The following CHRDL1 variants were observed in gnomAD, a reference collection of about 807,000 sequenced individuals.
CHRDL1 encodes the protein chordin-like protein 1.
A neutral mutation model predicts 40.9 loss-of-function variants in CHRDL1; 19 were observed. That is an observed-to-expected ratio of 0.46 (90% CI 0.32 to 0.68). The LOEUF is 0.68. Among genes scored for constraint, CHRDL1 ranks in the 30% least tolerant of loss-of-function variants. CHRDL1 has a pLI of 0.03. For synonymous variants in CHRDL1, 136 were observed against 123.4 expected, an observed-to-expected ratio of 1.10 and a Z score of -0.68; for missense variants, 329 against 352.1, an observed-to-expected ratio of 0.93 and a Z score of 0.53.
intron 10 of CHRDL1, 110 bp from the exon 11 acceptor site, chrX:110,679,535 G>A: frequency 1.9e-6 from 1 of 534,465 alleles, no homozygotes; most frequent in Non-Finnish European, 3.3e-6. Context: ...GGGCTTAAGA[G>A]TATCGAGTTG....
chrX:110,690,005 A>C (rs59360412), intron 8 of CHRDL1, among the ~76,000 whole-genome samples: 1 of 28,541 alleles, frequency 3.5e-5, no homozygotes, highest in Non-Finnish European at 5.8e-5. Flanking sequence ...CTATATATCT[A>C]TATATATCTA....
intron 4 of CHRDL1, among the ~76,000 whole-genome samples, chrX:110,756,235 C>T (rs777805228): frequency 9.0e-6 from 1 of 111,246 alleles, no homozygotes; most frequent in African/African-American, 3.3e-5. Context: ...TTCAGAAACA[C>T]AAAAAAACTC....
chrX:110,690,115 G>A (rs1403853002), intron 8 of CHRDL1, among the ~76,000 whole-genome samples: 1 of 96,519 alleles, frequency 1.0e-5, no homozygotes, highest in Non-Finnish European at 2.0e-5. Context: ...GCGCTATCTC[G>A]GCTCACTGCA....
intron 6 of CHRDL1, among the ~76,000 whole-genome samples, chrX:110,710,501 G>A (rs945474415): frequency 2.7e-5 from 3 of 112,312 alleles, no homozygotes; most frequent in African/African-American, 9.7e-5. Context: ...CAACCCAGAT[G>A]GCCGATTAGG....
intron 1 of CHRDL1, among the ~76,000 whole-genome samples, chrX:110,793,214 G>T (rs1221944076): frequency 8.9e-6 from 1 of 112,150 alleles, no homozygotes; most frequent in Non-Finnish European, 1.9e-5. Flanking sequence ...TGCACATAAA[G>T]AACTTGAAGG....
At chrX:110,736,615 G>A (rs1426376891) in intron 4 of CHRDL1, among the ~76,000 whole-genome samples, 6 of 111,625 alleles carry the variant, frequency 5.4e-5, no homozygotes, top group Non-Finnish European at 1.1e-4. Flanking sequence ...GAGGAACAAG[G>A]AGACCATGGT....
intron 4 of CHRDL1, among the ~76,000 whole-genome samples, chrX:110,723,022 G>A (rs756641963): frequency 1.4e-4 from 15 of 111,071 alleles, no homozygotes; most frequent in African/African-American, 4.9e-4. Context: ...AGGCCGAGGC[G>A]GGCGGATCAC....
chrX:110,792,571 C>T (rs111773099), intron 1 of CHRDL1, among the ~76,000 whole-genome samples: 8 of 112,039 alleles, frequency 7.1e-5, no homozygotes, highest in African/African-American at 2.3e-4. Context: ...CTTGCAAAAA[C>T]GGTTATTTTA....
chrX:110,762,645 C>A, intron 3 of CHRDL1, 50 bp downstream of exon 3: 1 of 728,584 alleles, frequency 1.4e-6, no homozygotes. Flanking sequence ...GAAAGCCTCT[C>A]GGCATGCTGA....
At chrX:110,716,869 A>G (rs1374501248) in intron 6 of CHRDL1, among the ~76,000 whole-genome samples, 2 of 111,437 alleles carry the variant, frequency 1.8e-5, no homozygotes, top group African/African-American at 6.5e-5. Flanking sequence ...TGTTACTTAG[A>G]CAGCCCTTTT....
intron 6 of CHRDL1, among the ~76,000 whole-genome samples, chrX:110,706,238 T>C (rs1193097997): frequency 1.8e-5 from 2 of 111,090 alleles, no homozygotes; most frequent in Admixed American, 9.6e-5. Flanking sequence ...TTCAGCCAAG[T>C]CTTTTTGTAA....
rs192399698 is a variant in CHRDL1, at chrX:110,721,374, T to C, written c.447+11A>G. On this transcript the variant is annotated intron_variant, in intron 5 of 11. Coordinates refer to ENST00000372042, the MANE Select transcript of CHRDL1 (RefSeq NM_001143981.2). Reference sequence around the variant, plus strand: ...AGGGCCTAGCAGGAATGTTAAGATGTAGGGTCTTACCGAACAGCTGCACTG... The same window carrying C: ...AGGGCCTAGCAGGAATGTTAAGATGCAGGGTCTTACCGAACAGCTGCACTG... The C allele has an allele frequency of 1.1e-4, 128 of 1,207,011 alleles. No individual in the cohort carries two copies. In the African/African-American group the frequency reaches 2.0e-3, roughly 19 times the overall value.
intron 2 of CHRDL1, among the ~76,000 whole-genome samples, chrX:110,763,228 C>G (rs1036201655): frequency 9.1e-6 from 1 of 110,174 alleles, no homozygotes. Flanking sequence ...ATCCATCACC[C>G]TAGCAGTATA....
At chrX:110,775,833 A>G (rs1602412672) in intron 2 of CHRDL1, among the ~76,000 whole-genome samples, 1 of 109,422 alleles carries the variant, frequency 9.1e-6, no homozygotes, top group Admixed American at 9.8e-5. Context: ...GTTTTAACTG[A>G]ACATTTTATA....
chrX:110,755,470 T>C (rs903388953), intron 4 of CHRDL1, among the ~76,000 whole-genome samples: 1 of 111,187 alleles, frequency 9.0e-6, no homozygotes, highest in East Asian at 2.8e-4. Flanking sequence ...GCAAGAGCCA[T>C]GGGAAATACA....
Position 110,688,587 on chromosome X carries a change from A to G in CHRDL1, c.988+7T>C. The stretch of plus-strand genomic sequence containing the variant: ...TCAACCAAAAGCAGGGCCTCCAACC[A>G]ACGCACCTTTTGCTTTTTTACCTGG... On this transcript the variant is annotated splice_region_variant and intron_variant, in intron 9 of 11. Transcript: ENST00000372042. The G allele has an allele frequency of 8.3e-7, 1 of 1,198,905 alleles. No homozygotes were observed. The highest frequency in any genetic ancestry group is 1.1e-6 in the Non-Finnish European group (1 of 883,989).
intron 2 of CHRDL1, among the ~76,000 whole-genome samples, chrX:110,791,206 T>C (rs754603882): frequency 4.5e-5 from 5 of 111,740 alleles, no homozygotes; most frequent in South Asian, 7.6e-4. Flanking sequence ...AAGCAGAGAA[T>C]GCCCCTCTTG....
At chrX:110,729,665 T>G (rs1307923938) in intron 4 of CHRDL1, among the ~76,000 whole-genome samples, 2 of 112,050 alleles carry the variant, frequency 1.8e-5, no homozygotes, top group East Asian at 2.8e-4. Flanking sequence ...TTTCTAGAAC[T>G]TAAGACCTGA....
Position 110,679,337 on chromosome X carries a change from C to T in CHRDL1, c.1245G>A (p.Leu415=). The T allele has an allele frequency of 8.5e-7, 1 of 1,182,720 alleles. No homozygotes were observed. Among genetic ancestry groups the T allele is most frequent in the Non-Finnish European group, 1.2e-6 (1 of 869,187 alleles). ...PHFKLVTRTT[L]SQWKIFTEGE... ...GCAGTCAAGAGAAGTACTACTTACT[C>T]AGGGTTGTTCTGGTCACCAGCTTGA... is the stretch of plus-strand genomic sequence containing the variant. The change falls in exon 11 of 12, where the codon CTG becomes CTA. Residue 415 remains leucine, a splice_region_variant and synonymous_variant. Transcript: ENST00000372042.
Sources: allele counts gnomAD v4.1 joint callset (sites outside exome capture counted in the v4.1 genomes callset), GRCh38; gene constraint gnomAD v4.1.1; transcripts MANE v1.5; gene names NCBI Gene and HGNC (gene_info 2026-07-23, HGNC 2026-07-21).